MICU1: variants seen among roughly 807,000 people sequenced by gnomAD.
MICU1 encodes the protein calcium uptake protein 1, mitochondrial.
Under a neutral mutation model 56.8 loss-of-function variants are expected in MICU1, and 45 were observed. That is an observed-to-expected ratio of 0.79 (90% confidence interval 0.62 to 1.02). MICU1 has a LOEUF of 1.02. Ranked by LOEUF, MICU1 falls within the 50% of genes least tolerant of loss-of-function variation. MICU1 has a pLI of 0.00. For missense variants in MICU1, 504 were observed against 587.1 expected (o/e 0.86, Z 1.46); for synonymous variants, 186 against 195.1 (o/e 0.95, Z 0.39).
chr10:72,435,301 T>C (rs1864671835), intron 8 of MICU1, among the ~76,000 whole-genome samples: 1 of 143,890 alleles, frequency 6.9e-6, no homozygotes, highest in African/African-American at 2.6e-5. Context: ...AGTGAGAGGA[T>C]CACTTGAGTC....
chr10:72,566,936 C>A (rs562453572), intron 1 of MICU1, 142 bp from the exon 2 acceptor site: 1 of 654,002 alleles, frequency 1.5e-6, no homozygotes, highest in South Asian at 2.3e-5. Flanking sequence ...TTATATTATC[C>A]CATTTAATCC....
At chr10:72,403,044 A>G (rs1863507341) in intron 10 of MICU1, among the ~76,000 whole-genome samples, 2 of 152,122 alleles carry the variant, frequency 1.3e-5, no homozygotes, top group Admixed American at 1.3e-4. Flanking sequence ...TAAACAAATA[A>G]AGAAGTTCTT....
At chr10:72,450,274 A>G (rs1865254491) in intron 8 of MICU1, among the ~76,000 whole-genome samples, 1 of 152,054 alleles carries the variant, frequency 6.6e-6, no homozygotes, top group African/African-American at 2.4e-5. Context: ...GCTCTGAGCG[A>G]TAAAAACAAG....
intron 1 of MICU1, among the ~76,000 whole-genome samples, chr10:72,577,751 TG>T (rs778442561): frequency 6.6e-6 from 1 of 152,124 alleles, no homozygotes; most frequent in Non-Finnish European, 1.5e-5. Context: ...AGCCTGAAAA[TG>T]TGACTGGATT....
chr10:72,420,790 C>T (rs558890348), intron 9 of MICU1, among the ~76,000 whole-genome samples: 3 of 151,912 alleles, frequency 2.0e-5, no homozygotes, highest in African/African-American at 7.2e-5. Context: ...ATCCTCCCAC[C>T]TCAGTCTCCT....
chr10:72,404,544 T>C (rs1480047874), intron 10 of MICU1, among the ~76,000 whole-genome samples: 1 of 148,860 alleles, frequency 6.7e-6, no homozygotes, highest in Non-Finnish European at 1.5e-5. Context: ...GTAAGAAATA[T>C]TTTTTTAAAA....
intron 1 of MICU1, among the ~76,000 whole-genome samples, chr10:72,589,895 T>A (rs77537446): frequency 0.022 from 3,283 of 152,238 alleles, 122 homozygotes; most frequent in African/African-American, 0.076. Context: ...AAAAGACTAA[T>A]GCATTCCAAA....
intron 10 of MICU1, among the ~76,000 whole-genome samples, chr10:72,386,132 C>G (rs1352808723): frequency 1.3e-5 from 2 of 152,180 alleles, no homozygotes; most frequent in African/African-American, 4.8e-5. Context: ...TGTGCCAACA[C>G]TCTGAATCAC....
chr10:72,530,418 C>T (rs1380824098), intron 5 of MICU1, among the ~76,000 whole-genome samples: 1 of 150,540 alleles, frequency 6.6e-6, no homozygotes, highest in Non-Finnish European at 1.5e-5. Context: ...TGCTAATAAG[C>T]TATTTATAAT....
chr10:72,448,119 A>ATG (rs770189954), intron 8 of MICU1, among the ~76,000 whole-genome samples: 70 of 47,694 alleles, frequency 1.5e-3, no homozygotes, highest in Admixed American at 3.4e-3. Flanking sequence ...AAGTTTATAT[A>ATG]TATGTGTGTG....
At chr10:72,406,780 C>T (rs750181875) in intron 10 of MICU1, among the ~76,000 whole-genome samples, 8 of 151,968 alleles carry the variant, frequency 5.3e-5, no homozygotes, top group Non-Finnish European at 1.0e-4. Context: ...GCATACACCA[C>T]CACGCCTGGC....
At chr10:72,543,157 T>C (rs1384739675) in intron 4 of MICU1, among the ~76,000 whole-genome samples, 1 of 152,188 alleles carries the variant, frequency 6.6e-6, no homozygotes, top group Non-Finnish European at 1.5e-5. Context: ...TCAGGCTTTT[T>C]GGCTTGAAGG....
rs1447744756 is a variant in MICU1, at chr10:72,427,076, T to A, written c.934-3705A>T. 3.9e-5 allele frequency among the ~76,000 whole-genome samples: 6 copies of A among 152,238 alleles called. No homozygotes were observed. In the South Asian group the frequency reaches 1.2e-3, roughly 32 times the overall value. On this transcript the variant is annotated intron_variant, in intron 8 of 11. Transcript: ENST00000361114. ...CTGTGTTTGATTCTGAGGCACAGCA[T>A]GTGTGTATTCCAGCATGCCACCCAC...
intron 9 of MICU1, among the ~76,000 whole-genome samples, chr10:72,417,953 C>T (rs191376251): frequency 2.0e-5 from 3 of 152,262 alleles, no homozygotes; most frequent in Admixed American, 6.5e-5. Context: ...TTTTGCAGGG[C>T]TAGGGACACC....
At position 72,622,821 on chromosome 10, in the gene MICU1, T is replaced by C. The variant is rs936170219; in HGVS notation, c.-2+3189A>G. On this transcript the variant is annotated intron_variant, in intron 1 of 11. Coordinates refer to ENST00000361114, the MANE Select transcript of MICU1 (RefSeq NM_001195518.2). ...AAAATGTTTAAAAATATTGCCCGTGTTTTCTTCTCAAACATGCTTATTCAT... is the reference window on the plus strand; with the variant it reads ...AAAATGTTTAAAAATATTGCCCGTGCTTTCTTCTCAAACATGCTTATTCAT... Among the ~76,000 whole-genome samples, 15 of 152,226 alleles carry C rather than the reference T, an allele frequency of 9.9e-5. 1 individual carries two copies. The highest frequency in any genetic ancestry group is 2.1e-4 in the Non-Finnish European group (14 of 68,044).
At position 72,561,023 on chromosome 10, in the gene MICU1, T is replaced by A. The variant is rs145967348; in HGVS notation, c.330+1872A>T. Among the ~76,000 whole-genome samples the A allele has an allele frequency of 4.3e-3, 659 of 151,548 alleles. 3 individuals are homozygous for A. The highest frequency in any genetic ancestry group is 7.6e-3 in the Non-Finnish European group (516 of 67,718). On this transcript the variant is annotated intron_variant, in intron 3 of 11. Transcript: ENST00000361114. Reference sequence around the variant, plus strand: ...AAAAACAGAATGAAGACAGAATAAGTGTTGAAATAGATTATTAGAGATACA... The same window carrying A: ...AAAAACAGAATGAAGACAGAATAAGAGTTGAAATAGATTATTAGAGATACA...
chr10:72,592,463 T>C (rs1841255304), intron 1 of MICU1, among the ~76,000 whole-genome samples: 3 of 152,156 alleles, frequency 2.0e-5, no homozygotes, highest in African/African-American at 7.2e-5. Flanking sequence ...GAGGAAACAC[T>C]TCCTAACTCA....
At chr10:72,530,213 C>A (rs1839437601) in intron 5 of MICU1, among the ~76,000 whole-genome samples, 1 of 151,118 alleles carries the variant, frequency 6.6e-6, no homozygotes, top group Non-Finnish European at 1.5e-5. Context: ...TGCCTGTAAT[C>A]CCAGCTACTC....
intron 10 of MICU1, among the ~76,000 whole-genome samples, chr10:72,399,586 C>A (rs1460784424): frequency 1.3e-5 from 2 of 151,886 alleles, no homozygotes; most frequent in African/African-American, 2.4e-5. Flanking sequence ...GCAGAGATTG[C>A]AGGGGGCTGA....
Sources: gnomAD v4.1 joint callset for allele counts (sites outside exome capture counted in the v4.1 genomes callset) on GRCh38, gnomAD v4.1.1 for gene constraint, MANE v1.5 for transcripts, NCBI Gene and HGNC (gene_info 2026-07-23, HGNC 2026-07-21) for gene names.